The following STRA6 variants were observed in gnomAD, a reference collection of about 807,000 sequenced individuals.
STRA6 encodes the protein signaling receptor and transporter of retinol STRA6.
A neutral mutation model predicts 83.6 loss-of-function variants in STRA6; 48 were observed. The ratio of observed to expected loss-of-function variants is 0.57; its 90% CI spans 0.46 to 0.73. The LOEUF (loss-of-function observed/expected upper bound fraction) is 0.73, where lower values mean the gene tolerates loss of function less well. STRA6 is among the 30% of genes least tolerant of loss of function. STRA6 has a pLI of 0.00. For missense variants in STRA6, 760 were observed against 838.8 expected (o/e 0.91, Z 1.16); for synonymous variants, 353 against 362.3 (o/e 0.97, Z 0.29).
intron 3 of STRA6, 112 bp downstream of exon 3, chr15:74,197,640 C>G: frequency 7.0e-7 from 1 of 1,420,676 alleles, no homozygotes; most frequent in Middle Eastern, 2.3e-4. Context: ...GATAGCTCCC[C>G]CCACCCAGGA....
At chr15:74,201,311 G>A (rs1331439341) in intron 2 of STRA6, among the ~76,000 whole-genome samples, 1 of 152,186 alleles carries the variant, frequency 6.6e-6, no homozygotes, top group African/African-American at 2.4e-5. Flanking sequence ...GCAACCCCCA[G>A]CCTCACCTTT....
chr15:74,204,567 A>G (rs549168066), upstream of STRA6, among the ~76,000 whole-genome samples: 75 of 152,296 alleles, frequency 4.9e-4, no homozygotes, highest in Admixed American at 4.7e-3. Flanking sequence ...ATTGGAGTCC[A>G]GTTCCAGACA....
At chr15:74,196,422 GC>G (rs1412832008) in intron 4 of STRA6, 4 of 485,820 alleles carry the variant, frequency 8.2e-6, no homozygotes, top group African/African-American at 7.8e-5. Context: ...CCAGGAAGCA[GC>G]CACCTCCACA....
At chr15:74,201,037 T>G (rs1462645069) in intron 2 of STRA6, among the ~76,000 whole-genome samples, 1 of 152,188 alleles carries the variant, frequency 6.6e-6, no homozygotes, top group Non-Finnish European at 1.5e-5. Context: ...CAGCAGGATA[T>G]GTGGAGCCCA....
At position 74,188,267 on chromosome 15, in the gene STRA6, A is replaced by G. The variant is rs1472602673; in HGVS notation, c.1090+848T>C. On this transcript the variant is annotated intron_variant, in intron 12 of 18. Transcript: ENST00000395105. This position sits in a 1 kb window ranked among gnomAD's most constrained non-coding sequence, Gnocchi z 4.5. Reference sequence around the variant, plus strand: ...GGTCAGGTACAGCTGCGGAGCAGCTACACCTCCACCTGCAACGCTGGCAGC... The same window carrying G: ...GGTCAGGTACAGCTGCGGAGCAGCTGCACCTCCACCTGCAACGCTGGCAGC... Among the ~76,000 whole-genome samples, 1 of 152,206 alleles carries G rather than the reference A, an allele frequency of 6.6e-6. No homozygotes were observed. Among genetic ancestry groups the G allele is most frequent in the Non-Finnish European group, 1.5e-5 (1 of 68,028 alleles).
rs772962287 is a variant in STRA6, at chr15:74,193,825, C to T, written c.695G>A (p.Ser232Asn). Residue 232 changes from serine to asparagine, a missense_variant, in exon 8 of 19, where the codon AGC becomes AAC. Transcript: ENST00000395105. Reference sequence around the variant, plus strand: ...CTTGGAGCCTGCTCCTGTCCTACGGCTGAAGCTTCTCACCAGCTGCACAGG... The same window carrying T: ...CTTGGAGCCTGCTCCTGTCCTACGGTTGAAGCTTCTCACCAGCTGCACAGG... ...WYPVQLVRSFSRRTGAGSKGL... is the reference protein window; with the variant it reads ...WYPVQLVRSFNRRTGAGSKGL... 1.2e-6 allele frequency: 2 copies of T among 1,613,878 alleles called. No individual in the cohort carries two copies. The highest frequency in any genetic ancestry group is 2.7e-5 in the African/African-American group (2 of 74,912).
rs1008972985 is a variant in STRA6, at chr15:74,180,227, C to A, written c.1857G>T (p.Gln619His). ...CTCCCTTGGCCATGGAGTCCTTTGTCTGTAGCAGCTGCATCCCTGAGAGAG... is the reference window on the plus strand; with the variant it reads ...CTCCCTTGGCCATGGAGTCCTTTGTATGTAGCAGCTGCATCCCTGAGAGAG... ...GEEDEGMQLL[Q>H]TKDSMAKGAR... The change falls in exon 19 of 19, where the codon CAG becomes CAT. Residue 619 changes from glutamine (Q) to histidine (H), a missense_variant. Transcript: ENST00000395105. 1.2e-6 allele frequency: 2 copies of A among 1,614,118 alleles called. No homozygotes were observed. The highest frequency in any genetic ancestry group is 1.7e-6 in the Non-Finnish European group (2 of 1,180,014).
chr15:74,189,766 C>T (rs1227516706), intron 11 of STRA6, among the ~76,000 whole-genome samples: 3 of 151,440 alleles, frequency 2.0e-5, no homozygotes, highest in Non-Finnish European at 4.4e-5. Flanking sequence ...CAGGTTCAAG[C>T]AATTCTCCTG....
Position 74,197,426 on chromosome 15 carries a change from G to T in STRA6, c.181-3C>A. The T allele has an allele frequency of 6.5e-7, 1 of 1,550,366 alleles. No individual in the cohort carries two copies. The highest frequency in any genetic ancestry group is 8.7e-7 in the Non-Finnish European group (1 of 1,146,802). On this transcript the variant is annotated splice_polypyrimidine_tract_variant and splice_region_variant and intron_variant, in intron 3 of 18. Transcript: ENST00000395105. ...GCCAGGAGCAGCAGCACAAGGATCT[G>T]AAAGGAGAGTGCAGAGGAGGGCTTG... is the stretch of plus-strand genomic sequence containing the variant.
chr15:74,206,187 A>T (rs2074257626), upstream of STRA6, among the ~76,000 whole-genome samples: 1 of 152,136 alleles, frequency 6.6e-6, no homozygotes, highest in Non-Finnish European at 1.5e-5. Context: ...GTGACTTCCT[A>T]GGTGCCCCCA....
chr15:74,179,826 G>T lies in STRA6; in HGVS notation c.*254C>A, dbSNP rs527642835. 77 of 490,340 alleles carry T rather than the reference G, an allele frequency of 1.6e-4. No individual in the cohort carries two copies. In the South Asian group the frequency reaches 2.3e-3, roughly 14 times the overall value. The allele number at this position is 490,340 out of a possible 1,614,324, so 30.4% of individuals were successfully genotyped here. ...GGATGTGGCTGCCCTGGCTCAACTGGCTCCTGGACCAAGGCCCTAACCCAC... is the reference window on the plus strand; with the variant it reads ...GGATGTGGCTGCCCTGGCTCAACTGTCTCCTGGACCAAGGCCCTAACCCAC... On this transcript the variant is annotated 3_prime_UTR_variant, in exon 19 of 19. Coordinates refer to ENST00000395105, the MANE Select transcript of STRA6 (RefSeq NM_022369.4).
At chr15:74,208,915 C>A in exon 1 of STRA6, 1 of 991,098 alleles carries the variant, frequency 1.0e-6, no homozygotes, top group Non-Finnish European at 1.2e-6. Context: ...ACGGGGCCTT[C>A]TCCTCTGAGC....
At position 74,191,447 on chromosome 15, in the gene STRA6, A is replaced by G; in HGVS notation, c.765T>C (p.Leu255=). 1.2e-6 allele frequency: 2 copies of G among 1,614,166 alleles called. No homozygotes were observed. Among genetic ancestry groups the G allele is most frequent in the Non-Finnish European group, 1.7e-6 (2 of 1,180,022 alleles). Residue 255 remains leucine (L), a synonymous_variant, in exon 9 of 19, where the codon CTT becomes CTC. Coordinates refer to ENST00000395105, the MANE Select transcript of STRA6 (RefSeq NM_022369.4). ...SYSEEYLRNL[L]CRKKLGSSYH... ...ACCTGCTTCCCAGCTTCTTCCTGCA[A>G]AGGAGGTTCCTCAGATATTCCTCAG...
chr15:74,197,876 T>A, intron 2 of STRA6, 58 bp from the exon 3 acceptor site: 2 of 1,579,444 alleles, frequency 1.3e-6, no homozygotes, highest in Non-Finnish European at 1.7e-6. Flanking sequence ...GGTGTGCAGA[T>A]GGGTCTGGGG....
In STRA6 at chr15:74,180,195, G is replaced by A; in HGVS notation, c.1889C>T (p.Pro630Leu). Reference sequence around the variant, plus strand: ...GCGAGCCCTGCCGCGGCTGGCCCCGGGCCTAGCTCCCTTGGCCATGGAGTC... The same window carrying A: ...GCGAGCCCTGCCGCGGCTGGCCCCGAGCCTAGCTCCCTTGGCCATGGAGTC... ...TKDSMAKGAR[P>L]GASRGRARWG... Residue 630 changes from proline (P) to leucine (L), a missense_variant, in exon 19 of 19, where the codon CCC (proline) becomes CTC (leucine). Physicochemically the swap from Pro to Leu is moderately conservative, Grantham distance 98 (BLOSUM62 -3). Coordinates refer to ENST00000395105, the MANE Select transcript of STRA6 (RefSeq NM_022369.4). The A allele has an allele frequency of 6.2e-7, 1 of 1,614,096 alleles. No homozygotes were observed.
At chr15:74,192,855 C>T (rs1342943031) in intron 8 of STRA6, among the ~76,000 whole-genome samples, 1 of 152,226 alleles carries the variant, frequency 6.6e-6, no homozygotes, top group African/African-American at 2.4e-5. Flanking sequence ...CCGCCCCCTG[C>T]ACCACAGTCC....
intron 16 of STRA6, 81 bp downstream of exon 16, chr15:74,182,080 T>C (rs553511948): frequency 5.0e-6 from 6 of 1,204,614 alleles, no homozygotes; most frequent in South Asian, 4.9e-5. Context: ...TAGATGGCAG[T>C]GGAGGGAGGA....
At chr15:74,185,814 A>G (rs937681187) in intron 12 of STRA6, among the ~76,000 whole-genome samples, 1 of 152,264 alleles carries the variant, frequency 6.6e-6, no homozygotes, top group African/African-American at 2.4e-5. Flanking sequence ...TGAGGCTCAG[A>G]GAGAGGGCTT....
chr15:74,207,685 C>A, upstream of STRA6: 3 of 1,534,914 alleles, frequency 2.0e-6, no homozygotes, highest in Non-Finnish European at 2.6e-6. Context: ...GGGGGATGGC[C>A]ACTGTGCCCA....
Sources: gnomAD v4.1 joint callset for allele counts (sites outside exome capture counted in the v4.1 genomes callset) on GRCh38, gnomAD v4.1.1 for gene constraint, Gnocchi (gnomAD v3.1) non-coding constraint, MANE v1.5 for transcripts, NCBI Gene and HGNC (gene_info 2026-07-23, HGNC 2026-07-21) for gene names.